The following ZNF469 variants were observed in gnomAD, a reference collection of about 807,000 sequenced individuals.
The protein encoded by ZNF469 is zinc finger protein 469.
ZNF469 carries 1 observed loss-of-function variant against 1.0 expected under a neutral mutation model. The observed-to-expected ratio is 1.00, with a 90% CI of 0.35 to 4.73. The LOEUF (loss-of-function observed/expected upper bound fraction) is 4.73, where lower values mean the gene tolerates loss of function less well. Ranked by LOEUF, ZNF469 falls within the 30% of genes most tolerant of loss-of-function variation. The pLI is 0.16. For synonymous variants in ZNF469, 2,703 were observed against 2,363.4 expected (o/e 1.14, Z -4.17); for missense variants, 6,100 against 5,356.3 (o/e 1.14, Z -4.33).
the ZNF469 span, among the ~76,000 whole-genome samples, chr16:88,240,034 C>G: frequency 2.7e-5 from 4 of 150,606 alleles, no homozygotes; most frequent in African/African-American, 9.8e-5. Flanking sequence ...GGCCTGTGCT[C>G]GGGGCCATCG....
At chr16:88,425,074 G>A (rs11076738) in intron 2 of ZNF469, among the ~76,000 whole-genome samples, 110,670 of 152,046 alleles carry the variant, frequency 0.73, 41,833 homozygotes, top group Admixed American at 0.83. Flanking sequence ...GCAGGCGGGC[G>A]TGTCACCTGA....
the ZNF469 span, among the ~76,000 whole-genome samples, chr16:88,319,588 C>G: frequency 6.6e-6 from 1 of 152,126 alleles, no homozygotes; most frequent in South Asian, 2.1e-4. Context: ...CCAGGCTGCC[C>G]TCCTAGGGCC....
chr16:88,427,626 C>T lies in ZNF469; in HGVS notation c.156C>T (p.Gly52=), dbSNP rs930346629. 47 of 1,537,238 alleles carry T rather than the reference C, an allele frequency of 3.1e-5. No individual in the cohort carries two copies. The highest frequency in any genetic ancestry group is 1.7e-4 in the Middle Eastern group (1 of 5,958). ...TRTTKGAREA[G]GQAQAMELPE... is the part of the protein sequence containing the mutation. Reference sequence around the variant, plus strand: ...CCACCAAGGGTGCCAGGGAGGCTGGCGGCCAGGCCCAGGCCATGGAGCTCC... The same window carrying T: ...CCACCAAGGGTGCCAGGGAGGCTGGTGGCCAGGCCCAGGCCATGGAGCTCC... The change falls in exon 3 of 3, where the codon GGC becomes GGT. Residue 52 remains glycine (G), a synonymous_variant. Transcript: ENST00000565624.
Position 88,433,621 on chromosome 16 carries a change from G to A in ZNF469, c.6151G>A (p.Glu2051Lys). The A allele has an allele frequency of 1.3e-6, 2 of 1,550,318 alleles. No homozygotes were observed. Among genetic ancestry groups the A allele is most frequent in the Middle Eastern group, 1.7e-4 (1 of 5,992 alleles). ...GSRAAMSLQE[E>K]AEPTPSPPSP... Reference sequence around the variant, plus strand: ...CAGGGCAGCCATGAGCCTTCAGGAGGAGGCCGAGCCCACCCCAAGCCCCCC... The same window carrying A: ...CAGGGCAGCCATGAGCCTTCAGGAGAAGGCCGAGCCCACCCCAAGCCCCCC... The change falls in exon 3 of 3, where the codon GAG (glutamate) becomes AAG (lysine). Residue 2051 changes from glutamate (E) to lysine (K), a missense_variant. Glu to Lys is a moderately conservative substitution (Grantham distance 56). Coordinates refer to ENST00000565624, the MANE Select transcript of ZNF469 (RefSeq NM_001367624.2).
the ZNF469 span, among the ~76,000 whole-genome samples, chr16:88,322,303 G>T: frequency 9.8e-5 from 15 of 152,334 alleles, no homozygotes; most frequent in Non-Finnish European, 1.8e-4. Context: ...CCCCACGGCC[G>T]CTCTGGGAGG....
chr16:88,237,965 A>G, the ZNF469 span, among the ~76,000 whole-genome samples: 1 of 152,234 alleles, frequency 6.6e-6, no homozygotes, highest in Non-Finnish European at 1.5e-5. Context: ...AGCAGCACCT[A>G]AGACTCCTCC....
the ZNF469 span, among the ~76,000 whole-genome samples, chr16:88,272,041 T>C: frequency 6.6e-6 from 1 of 151,904 alleles, no homozygotes; most frequent in Admixed American, 6.6e-5. Context: ...GGTGAATGAA[T>C]GAACTGGGGA....
At chr16:88,366,108 C>T in the ZNF469 span, among the ~76,000 whole-genome samples, 4 of 149,656 alleles carry the variant, frequency 2.7e-5, no homozygotes, top group Non-Finnish European at 5.9e-5. Context: ...CCATCATCAC[C>T]ATCATCATCA....
chr16:88,170,415 A>G, the ZNF469 span, among the ~76,000 whole-genome samples: 2 of 151,830 alleles, frequency 1.3e-5, no homozygotes, highest in Non-Finnish European at 2.9e-5. The surrounding 1 kb of genome is among the most constrained non-coding windows in gnomAD (Gnocchi z 4.2). Context: ...GAAAGTTCTC[A>G]CTCTTTGATG....
the ZNF469 span, among the ~76,000 whole-genome samples, chr16:88,214,832 C>G: frequency 1.3e-5 from 2 of 152,166 alleles, no homozygotes; most frequent in Non-Finnish European, 2.9e-5. Flanking sequence ...AGGACATGAA[C>G]TCATCCTTTT....
chr16:88,331,400 AT>A, the ZNF469 span, among the ~76,000 whole-genome samples: 1 of 150,034 alleles, frequency 6.7e-6, no homozygotes, highest in African/African-American at 2.5e-5. Context: ...CATCACTACC[AT>A]CGTCATCACC....
chr16:88,308,791 A>G, the ZNF469 span, among the ~76,000 whole-genome samples: 1 of 151,994 alleles, frequency 6.6e-6, no homozygotes, highest in Non-Finnish European at 1.5e-5. Context: ...TTGGACAGAC[A>G]CCCTTCTAAG....
Position 88,429,630 on chromosome 16 carries a change from C to A in ZNF469, c.2160C>A (p.Ser720Arg). Residue 720 changes from serine (S) to arginine (R), a missense_variant, in exon 3 of 3, where the codon AGC becomes AGA. Ser to Arg is a moderately radical substitution (Grantham distance 110). Coordinates refer to ENST00000565624, the MANE Select transcript of ZNF469 (RefSeq NM_001367624.2). The part of the protein sequence containing the change: ...PPYPTHHFSL[S>R]SASLDQLDVL... ...ACCCCACACACCACTTCTCCCTCAG[C>A]AGCGCCAGCCTGGACCAGCTGGACG... The A allele has an allele frequency of 6.5e-7, 1 of 1,544,684 alleles. No homozygotes were observed. The highest frequency in any genetic ancestry group is 8.7e-7 in the Non-Finnish European group (1 of 1,143,242).
the ZNF469 span, among the ~76,000 whole-genome samples, chr16:88,375,377 G>A: frequency 5.9e-5 from 9 of 152,360 alleles, no homozygotes; most frequent in South Asian, 6.2e-4. Context: ...GATTGAACCC[G>A]GACGTCTGCT....
At chr16:88,294,004 C>G in the ZNF469 span, among the ~76,000 whole-genome samples, 1 of 152,184 alleles carries the variant, frequency 6.6e-6, no homozygotes. Flanking sequence ...TGCTCTCTGC[C>G]CAGCTCCGAG....
At chr16:88,315,415 G>A in the ZNF469 span, among the ~76,000 whole-genome samples, 4 of 152,362 alleles carry the variant, frequency 2.6e-5, no homozygotes, top group East Asian at 3.9e-4. Context: ...GCCAGGCCAC[G>A]CACGCACACA....
At chr16:88,261,413 G>A in the ZNF469 span, among the ~76,000 whole-genome samples, 2 of 152,148 alleles carry the variant, frequency 1.3e-5, no homozygotes, top group Non-Finnish European at 2.9e-5. This position sits in a 1 kb window ranked among gnomAD's most constrained non-coding sequence, Gnocchi z 6.0. Flanking sequence ...CGCAGCCCTG[G>A]AATGCACAGT....
the ZNF469 span, among the ~76,000 whole-genome samples, chr16:88,160,499 A>G: frequency 4.5e-3 from 692 of 152,268 alleles, 5 homozygotes; most frequent in Non-Finnish European, 7.8e-3. Context: ...TCCTGGCTCC[A>G]TCGCGGTCTT....
intron 2 of ZNF469, among the ~76,000 whole-genome samples, chr16:88,426,535 G>C (rs1905709139): frequency 6.6e-6 from 1 of 152,278 alleles, no homozygotes; most frequent in Admixed American, 6.5e-5. Flanking sequence ...GGCTCCTCTG[G>C]GCAAGCGGCT....
Sources: gnomAD v4.1 joint callset for allele counts (sites outside exome capture counted in the v4.1 genomes callset) on GRCh38, gnomAD v4.1.1 for gene constraint, Gnocchi (gnomAD v3.1) non-coding constraint, MANE v1.5 for transcripts, NCBI Gene and HGNC (gene_info 2026-07-23, HGNC 2026-07-21) for gene names.